RBFOX1: variants seen among roughly 807,000 people sequenced by gnomAD.
The protein encoded by RBFOX1 is RNA binding fox-1 homolog 1.
A neutral mutation model predicts 57.7 loss-of-function variants in RBFOX1; 8 were observed. That is an observed-to-expected ratio of 0.14 (90% CI 0.08 to 0.25). The LOEUF is 0.25. Among genes scored for constraint, RBFOX1 ranks in the 10% least tolerant of loss-of-function variants. The probability of loss-of-function intolerance (pLI) is 1.00; values close to 1 mark genes in which losing one functional copy is unlikely to be tolerated. For missense variants in RBFOX1, 611 were observed against 548.5 expected, an observed-to-expected ratio of 1.11 and a Z score of -1.14; for synonymous variants, 326 against 222.4, an observed-to-expected ratio of 1.47 and a Z score of -4.15.
intron 4 of RBFOX1, among the ~76,000 whole-genome samples, chr16:7,145,607 G>A (rs772424301): frequency 2.6e-5 from 4 of 151,970 alleles, no homozygotes; most frequent in South Asian, 2.1e-4. Flanking sequence ...TACCCCTCTC[G>A]GTTATGTTAG....
chr16:7,386,600 C>T (rs762964742), intron 4 of RBFOX1, among the ~76,000 whole-genome samples: 19 of 151,964 alleles, frequency 1.3e-4, no homozygotes, highest in Non-Finnish European at 1.2e-4. Flanking sequence ...GTATATGTGC[C>T]ACATTTTCTT....
intron 5 of RBFOX1, among the ~76,000 whole-genome samples, chr16:7,518,741 G>T (rs939105008): frequency 6.6e-6 from 1 of 152,146 alleles, no homozygotes; most frequent in Non-Finnish European, 1.5e-5. Context: ...GTCTTACGGA[G>T]GCTGGGTGTG....
intron 2 of RBFOX1, among the ~76,000 whole-genome samples, chr16:6,634,883 A>G (rs1024471045): frequency 2.1e-5 from 3 of 139,764 alleles, no homozygotes; most frequent in Admixed American, 7.3e-5. Flanking sequence ...TATATATTAT[A>G]AATTAAAAAT....
chr16:7,454,381 C>G (rs1211771622), intron 4 of RBFOX1, among the ~76,000 whole-genome samples: 1 of 151,848 alleles, frequency 6.6e-6, no homozygotes, highest in Non-Finnish European at 1.5e-5. Context: ...TTTCTTAAAA[C>G]TGTACCATAT....
At chr16:5,362,340 G>A (rs770693347) in intron 1 of RBFOX1, among the ~76,000 whole-genome samples, 2 of 151,916 alleles carry the variant, frequency 1.3e-5, no homozygotes, top group African/African-American at 4.8e-5. Context: ...ACAGGTGCAC[G>A]CCACCACGCC....
intron 3 of RBFOX1, among the ~76,000 whole-genome samples, chr16:6,806,410 C>G (rs1232182990): frequency 2.0e-5 from 3 of 152,264 alleles, no homozygotes; most frequent in African/African-American, 4.8e-5. Flanking sequence ...GACTGTAATA[C>G]ATTTGCATCT....
chr16:7,036,296 C>T (rs2044399597), intron 3 of RBFOX1, among the ~76,000 whole-genome samples: 1 of 151,972 alleles, frequency 6.6e-6, no homozygotes, highest in African/African-American at 2.4e-5. Flanking sequence ...TACAGTGTCC[C>T]ATCCTAAAAC....
intron 5 of RBFOX1, among the ~76,000 whole-genome samples, chr16:7,561,067 A>G (rs1052510357): frequency 2.6e-5 from 4 of 152,148 alleles, no homozygotes; most frequent in African/African-American, 9.7e-5. Context: ...CAGTCCCCAT[A>G]TGTAGCAAAT....
chr16:6,799,904 C>A (rs2084967204), intron 3 of RBFOX1, among the ~76,000 whole-genome samples: 3 of 152,142 alleles, frequency 2.0e-5, no homozygotes, highest in South Asian at 4.2e-4. Flanking sequence ...CTTCCTTGCT[C>A]TTCAGTTTGC....
intron 4 of RBFOX1, among the ~76,000 whole-genome samples, chr16:7,302,537 C>T (rs1603604643): frequency 6.6e-6 from 1 of 151,838 alleles, no homozygotes; most frequent in South Asian, 2.1e-4. Flanking sequence ...CGGTTCCGTC[C>T]TGCAGGTCAG....
intron 1 of RBFOX1, among the ~76,000 whole-genome samples, chr16:6,222,479 C>CATGAGGAGAATGT (rs2097381371): frequency 2.0e-5 from 3 of 151,568 alleles, no homozygotes; most frequent in Non-Finnish European, 4.4e-5. Context: ...TGCATCATGA[C>CATGAGGAGAATGT]CATGAGGAGA....
rs574997000 is a variant in RBFOX1, at chr16:6,501,279, A to C, written c.-63-153324A>C. Among the ~76,000 whole-genome samples, 66 of 132,184 alleles carry C rather than the reference A, an allele frequency of 5.0e-4. 2 individuals carry two copies. In the South Asian group the frequency reaches 0.019, roughly 38 times the overall value. 86.7% of individuals were successfully genotyped at this position (132,184 alleles called of 152,430 possible). A position where few individuals can be genotyped will look rare whatever the true frequency, so the allele number is the denominator to read the frequency against. ...AGCATTAGGTATATCTCCAAATGCT[A>C]TCCCTCCCCCCTCCCCCCACCCCAC... On this transcript the variant is annotated intron_variant, in intron 2 of 15. Coordinates refer to ENST00000550418, the MANE Select transcript of RBFOX1 (RefSeq NM_018723.4).
intron 1 of RBFOX1, among the ~76,000 whole-genome samples, chr16:5,390,732 C>T (rs1038868004): frequency 6.6e-6 from 1 of 152,176 alleles, no homozygotes; most frequent in Admixed American, 6.5e-5. Context: ...TAACCCCAAT[C>T]AGTTCACATT....
At chr16:5,972,203 G>GCA (rs1217858395) in intron 4 of RBFOX1, among the ~76,000 whole-genome samples, 1 of 151,982 alleles carries the variant, frequency 6.6e-6, no homozygotes, top group East Asian at 1.9e-4. Context: ...ACACACATAA[G>GCA]CACACACACA....
At chr16:5,936,346 A>G (rs543941050) in intron 4 of RBFOX1, among the ~76,000 whole-genome samples, 11 of 152,304 alleles carry the variant, frequency 7.2e-5, no homozygotes, top group African/African-American at 2.4e-4. Flanking sequence ...CTGGTCTCAA[A>G]TGCCTGACCT....
intron 1 of RBFOX1, among the ~76,000 whole-genome samples, chr16:6,153,118 G>C (rs1023674411): frequency 6.7e-6 from 1 of 149,844 alleles, no homozygotes; most frequent in African/African-American, 2.5e-5. Context: ...ACATGAGTGA[G>C]TTCTTGAGTG....
At chr16:5,334,089 G>A (rs2064836374) in intron 1 of RBFOX1, among the ~76,000 whole-genome samples, 1 of 152,198 alleles carries the variant, frequency 6.6e-6, no homozygotes, top group Admixed American at 6.5e-5. Flanking sequence ...CAGACTAAGA[G>A]TATTTAAGGG....
chr16:7,096,396 C>G (rs1290867468), intron 4 of RBFOX1, among the ~76,000 whole-genome samples: 1 of 152,116 alleles, frequency 6.6e-6, no homozygotes, highest in East Asian at 1.9e-4. Context: ...TCCGTGTCCC[C>G]CAGCAGGATG....
intron 3 of RBFOX1, among the ~76,000 whole-genome samples, chr16:6,973,112 C>T (rs1028720909): frequency 2.7e-5 from 4 of 150,142 alleles, no homozygotes; most frequent in Admixed American, 6.7e-5. Context: ...GCCTGGGTGA[C>T]GGAGCAAGAC....
Sources: gnomAD v4.1 joint callset for allele counts (sites outside exome capture counted in the v4.1 genomes callset) on GRCh38, gnomAD v4.1.1 for gene constraint, MANE v1.5 for transcripts, NCBI Gene and HGNC (gene_info 2026-07-23, HGNC 2026-07-21) for gene names.